Variants in ZMAT4 observed in about 807,000 individuals in gnomAD.
ZMAT4 encodes the protein zinc finger matrin-type protein 4.
A neutral mutation model predicts 28.7 loss-of-function variants in ZMAT4; 17 were observed. The observed-to-expected ratio is 0.59, with a 90% CI of 0.41 to 0.89. The LOEUF is 0.89. Among genes scored for constraint, ZMAT4 ranks in the 40% least tolerant of loss-of-function variants. The probability of loss-of-function intolerance (pLI) is 0.00; values close to 1 mark genes in which losing one functional copy is unlikely to be tolerated. For missense variants in ZMAT4, 240 were observed against 283.8 expected, an observed-to-expected ratio of 0.85 and a Z score of 1.11; for synonymous variants, 117 against 109.2, an observed-to-expected ratio of 1.07 and a Z score of -0.44.
At chr8:40,802,302 T>C (rs548648009) in intron 2 of ZMAT4, among the ~76,000 whole-genome samples, 2 of 152,282 alleles carry the variant, frequency 1.3e-5, no homozygotes, top group East Asian at 1.9e-4. Context: ...TCTTCACAAA[T>C]GACATGATTG....
chr8:40,725,652 G>C (rs567139734), intron 3 of ZMAT4, among the ~76,000 whole-genome samples: 1 of 152,022 alleles, frequency 6.6e-6, no homozygotes, highest in African/African-American at 2.4e-5. Flanking sequence ...CTCCTTTAAA[G>C]TCATGATTTC....
chr8:40,565,334 A>G (rs1803881748), intron 6 of ZMAT4, among the ~76,000 whole-genome samples: 2 of 151,410 alleles, frequency 1.3e-5, no homozygotes, highest in Non-Finnish European at 2.9e-5. Flanking sequence ...CTTCTATATC[A>G]ACTCATTCAA....
At chr8:40,605,334 C>T (rs371960646) in intron 5 of ZMAT4, among the ~76,000 whole-genome samples, 1 of 152,152 alleles carries the variant, frequency 6.6e-6, no homozygotes, top group African/African-American at 2.4e-5. Context: ...AAACTTTCCT[C>T]TTAGCACCAC....
chr8:40,608,655 C>T (rs1585751986), intron 5 of ZMAT4, among the ~76,000 whole-genome samples: 2 of 152,280 alleles, frequency 1.3e-5, no homozygotes, highest in South Asian at 2.1e-4. Flanking sequence ...TTTCCTTCTC[C>T]CTGATGTCCT....
chr8:40,703,232 C>T (rs1810219843), intron 3 of ZMAT4, among the ~76,000 whole-genome samples: 1 of 152,004 alleles, frequency 6.6e-6, no homozygotes, highest in Non-Finnish European at 1.5e-5. Context: ...GTATTTCATT[C>T]AAGAGAAATA....
At chr8:40,750,789 C>T (rs955950523) in intron 3 of ZMAT4, among the ~76,000 whole-genome samples, 2 of 152,214 alleles carry the variant, frequency 1.3e-5, no homozygotes, top group South Asian at 4.2e-4. Context: ...GATTCCTGGC[C>T]ACCCCAGTGG....
rs1048521499 is a variant in ZMAT4 at position 40,708,858 on chromosome 8, A to G, written c.193-11457T>C. On this transcript the variant is annotated intron_variant, in intron 3 of 6. Coordinates refer to ENST00000297737, the MANE Select transcript of ZMAT4 (RefSeq NM_024645.3). The stretch of plus-strand genomic sequence containing the variant: ...GAGATGGGCTTTCACCATGTTGGCC[A>G]GGCTAGTCTCGAGCCCTCAACCTCA... Among the ~76,000 whole-genome samples, 2 of 151,826 alleles carry G rather than the reference A, an allele frequency of 1.3e-5. 1 individual carries two copies. The highest frequency in any genetic ancestry group is 6.3e-3 in the Middle Eastern group (2 of 316).
chr8:40,799,207 G>GTGGATGGATGGA (rs371951408), intron 2 of ZMAT4, among the ~76,000 whole-genome samples: 2 of 72,546 alleles, frequency 2.8e-5, no homozygotes, highest in African/African-American at 4.4e-5. Context: ...GGATAGATGG[G>GTGGATGGATGGA]TGGATGGATG....
chr8:40,575,461 C>A (rs905107959), intron 6 of ZMAT4, among the ~76,000 whole-genome samples: 2 of 152,058 alleles, frequency 1.3e-5, no homozygotes, highest in African/African-American at 2.4e-5. Context: ...AGACTGAGAA[C>A]CAGTTCACTA....
chr8:40,589,977 C>T (rs952276915), intron 5 of ZMAT4, among the ~76,000 whole-genome samples: 7 of 84,594 alleles, frequency 8.3e-5, no homozygotes, highest in Non-Finnish European at 1.5e-4. Context: ...CCCTCCCTTC[C>T]TTCCTTCCTT....
intron 1 of ZMAT4, among the ~76,000 whole-genome samples, chr8:40,877,926 G>A (rs1008128902): frequency 6.6e-5 from 10 of 152,164 alleles, no homozygotes; most frequent in African/African-American, 1.9e-4. Context: ...CCCAAGTCCC[G>A]ACACACTGAA....
In ZMAT4 at chr8:40,580,310, C is replaced by T. The variant is rs1804419217; in HGVS notation, c.674+855G>A. ...TACAGGCATGAGCCACCGCACCCGG[C>T]CTATTCATCTTTTCTTCCCTAGTGC... On this transcript the variant is annotated intron_variant, in intron 6 of 6. Coordinates refer to ENST00000297737, the MANE Select transcript of ZMAT4 (RefSeq NM_024645.3). Among the ~76,000 whole-genome samples, 3 of 152,108 alleles carry T rather than the reference C, an allele frequency of 2.0e-5. 1 individual carries two copies. The South Asian group carries it at 6.2e-4, about 32-fold the overall frequency.
At chr8:40,628,759 G>T (rs927470581) in intron 5 of ZMAT4, among the ~76,000 whole-genome samples, 2 of 152,122 alleles carry the variant, frequency 1.3e-5, no homozygotes, top group Non-Finnish European at 2.9e-5. Flanking sequence ...GCATAAAGTA[G>T]AAGGATTTTT....
At chr8:40,726,997 G>A (rs1055766096) in intron 3 of ZMAT4, among the ~76,000 whole-genome samples, 3 of 152,112 alleles carry the variant, frequency 2.0e-5, no homozygotes, top group Admixed American at 6.6e-5. Context: ...TCATCGGAGA[G>A]GTACAAGAAG....
chr8:40,623,280 T>C (rs1806262668), intron 5 of ZMAT4, among the ~76,000 whole-genome samples: 1 of 152,206 alleles, frequency 6.6e-6, no homozygotes, highest in African/African-American at 2.4e-5. Context: ...ACTAGGATGA[T>C]GTGGTGTAGA....
At chr8:40,857,441 T>G (rs905935091) in intron 1 of ZMAT4, among the ~76,000 whole-genome samples, 2 of 151,772 alleles carry the variant, frequency 1.3e-5, no homozygotes, top group Admixed American at 1.3e-4. Flanking sequence ...TGGGACTTGA[T>G]GGTTAATTTT....
intron 2 of ZMAT4, among the ~76,000 whole-genome samples, chr8:40,824,392 C>T (rs1424947143): frequency 6.6e-6 from 1 of 152,156 alleles, no homozygotes; most frequent in Non-Finnish European, 1.5e-5. Flanking sequence ...CTGCAGTGAG[C>T]TATGCTCGTG....
At chr8:40,867,323 A>T (rs948562303) in intron 1 of ZMAT4, among the ~76,000 whole-genome samples, 1 of 143,266 alleles carries the variant, frequency 7.0e-6, no homozygotes, top group Non-Finnish European at 1.5e-5. Context: ...ATTCTAAGCC[A>T]TCTGGGCCAC....
intron 1 of ZMAT4, among the ~76,000 whole-genome samples, chr8:40,873,282 T>A (rs973963537): frequency 3.3e-5 from 5 of 152,198 alleles, no homozygotes; most frequent in Admixed American, 3.3e-4. Flanking sequence ...GCTACAAAAA[T>A]GCCCACTTAT....
Sources: gnomAD v4.1 joint callset for allele counts (sites outside exome capture counted in the v4.1 genomes callset) on GRCh38, gnomAD v4.1.1 for gene constraint, MANE v1.5 for transcripts, NCBI Gene and HGNC (gene_info 2026-07-23, HGNC 2026-07-21) for gene names.